Variants in KRTAP4-6 observed in about 807,000 individuals in gnomAD.
The protein encoded by KRTAP4-6 is keratin associated protein 4-6.
In KRTAP4-6, 1 loss-of-function variant was observed where a neutral mutation model predicts 3.6. That is an observed-to-expected ratio of 0.28 (90% CI 0.10 to 1.32). The LOEUF is 1.32. Among genes scored for constraint, KRTAP4-6 ranks in the 40% most tolerant of loss-of-function variants. KRTAP4-6 has a pLI of 0.45. For synonymous variants in KRTAP4-6, 97 were observed against 96.7 expected (o/e 1.00, Z -0.02); for missense variants, 275 against 280.3 (o/e 0.98, Z 0.14).
rs146035703 is a variant in KRTAP4-6, at chr17:41,139,940, G to A, written c.548C>T (p.Thr183Ile). The A allele has an allele frequency of 6.7e-4, 1,082 of 1,607,404 alleles. 8 individuals are homozygous for A. The African/African-American group carries it at 0.012, about 18-fold the overall frequency. The change falls in exon 1 of 1, where the codon ACT (threonine) becomes ATT (isoleucine). Residue 183 changes from threonine (T) to isoleucine (I), a missense_variant. Physicochemically the swap from Thr to Ile is moderately conservative, Grantham distance 89. Coordinates refer to ENST00000345847, the Ensembl canonical transcript of KRTAP4-6. ...AATGACACAGGTTGGGCGATAGCAA[G>A]TGGTGTGGCAGGAGACTCGGCCACA...
rs576784610 is a variant in KRTAP4-6, at chr17:41,140,172, G to T, written c.316C>A (p.Arg106Ser). Residue 106 changes from arginine to serine, a missense_variant, in exon 1 of 1, where the codon CGT (arginine) becomes AGT (serine). Arg to Ser is a moderately radical substitution (Grantham distance 110). Transcript: ENST00000345847. ...CAGCTGGAGATGCTGCAGCTGGGAC[G>T]GCAGCAAGTGGGCTGGCAGCACACA... 4.0e-5 allele frequency: 59 copies of T among 1,483,670 alleles called. No homozygotes were observed. The African/African-American group carries it at 8.0e-4, about 20-fold the overall frequency. 91.9% of individuals were successfully genotyped at this position (1,483,670 alleles called of 1,614,324 possible). A position where few individuals can be genotyped will look rare whatever the true frequency, so the allele number is the denominator to read the frequency against.
At chr17:41,139,553 A>T (rs4890158) in exon 1 of KRTAP4-6, 270,111 of 418,756 alleles carry the variant, frequency 0.65, 90,289 homozygotes, top group African/African-American at 0.9. Context: ...GAGTGAGACA[A>T]CCTTGCCCCG....
At chr17:41,140,453 T>C in exon 1 of KRTAP4-6, 2 of 1,613,758 alleles carry the variant, frequency 1.2e-6, no homozygotes, top group South Asian at 2.2e-5. Flanking sequence ...ACAGCCCTGG[T>C]CAGAGCAGAC....
upstream of KRTAP4-6, chr17:41,140,502 A>T (rs2014683936): frequency 6.2e-7 from 1 of 1,603,162 alleles, no homozygotes; most frequent in Non-Finnish European, 8.5e-7. Context: ...TCAGAGGGTA[A>T]AGGTTCTGGG....
chr17:41,140,417 C>A, exon 1 of KRTAP4-6: 1 of 1,613,904 alleles, frequency 6.2e-7, no homozygotes. Flanking sequence ...CTGACAGCAG[C>A]TGGGGCGGCA....
chr17:41,140,285 C>A (rs1334195700), exon 1 of KRTAP4-6: 2 of 1,566,634 alleles, frequency 1.3e-6, no homozygotes. Context: ...CTGACAGCAG[C>A]TGGGACAGCA....
chr17:41,140,386 G>A lies in KRTAP4-6; in HGVS notation c.102C>T (p.Thr34=), dbSNP rs536874625. 2.1e-5 allele frequency: 34 copies of A among 1,613,788 alleles called. 2 individuals are homozygous for A. Among genetic ancestry groups the A allele is most frequent in the Middle Eastern group, 3.3e-4 (2 of 6,054 alleles). Residue 34 remains threonine, a synonymous_variant, in exon 1 of 1, where the codon ACC becomes ACT. Coordinates refer to ENST00000345847, the Ensembl canonical transcript of KRTAP4-6. The stretch of plus-strand genomic sequence containing the variant: ...ACACACAGCAGCTGGGGCGGCAGCA[G>A]GTGGTCCTGCAGCAGGTGGTCTGAC...
exon 1 of KRTAP4-6, chr17:41,140,156 A>T: frequency 6.9e-7 from 1 of 1,456,634 alleles, no homozygotes; most frequent in Non-Finnish European, 9.3e-7. Context: ...GCAGCTGGAG[A>T]TGCTGCAGCT....
exon 1 of KRTAP4-6, chr17:41,139,536 A>C (rs1476586499): frequency 1.0e-5 from 4 of 384,932 alleles, no homozygotes; most frequent in Non-Finnish European, 1.9e-5. Context: ...CAGACTTTCA[A>C]ATCTGAGAGT....
chr17:41,139,768 C>G (rs1033767012), exon 1 of KRTAP4-6: 21 of 1,464,214 alleles, frequency 1.4e-5, no homozygotes, highest in East Asian at 5.0e-5. Flanking sequence ...TATGGAAACA[C>G]AGTTGGTGGG....
chr17:41,139,785 C>G, exon 1 of KRTAP4-6: 1 of 1,499,374 alleles, frequency 6.7e-7, no homozygotes, highest in South Asian at 1.3e-5. Context: ...TGGGAATGGC[C>G]TCTTCTGAGT....
chr17:41,139,758 T>G, exon 1 of KRTAP4-6: 1 of 1,408,540 alleles, frequency 7.1e-7, no homozygotes, highest in African/African-American at 1.4e-5. Flanking sequence ...ATGTCCAGGA[T>G]ATGGAAACAC....
exon 1 of KRTAP4-6, chr17:41,139,494 T>C: frequency 3.8e-6 from 1 of 263,004 alleles, no homozygotes; most frequent in Non-Finnish European, 7.2e-6. Flanking sequence ...TACAGAAACA[T>C]TGCTGTAAAA....
Position 41,140,303 on chromosome 17 carries a change from C to A in KRTAP4-6, c.185G>T (p.Arg62Leu), listed in dbSNP as rs763253803. Residue 62 changes from arginine (R) to leucine (L), a missense_variant, in exon 1 of 1, where the codon CGT (arginine) becomes CTT (leucine). Coordinates refer to ENST00000345847, the Ensembl canonical transcript of KRTAP4-6. Reference sequence around the variant, plus strand: ...ACAGCAGCTGGGACAGCAGCTGGGACGGCAGCAGGTGGGCTGGCAGCACAC... The same window carrying A: ...ACAGCAGCTGGGACAGCAGCTGGGAAGGCAGCAGGTGGGCTGGCAGCACAC... 4 of 1,603,042 alleles carry A rather than the reference C, an allele frequency of 2.5e-6. No homozygotes were observed. In the South Asian group the frequency reaches 4.4e-5, roughly 18 times the overall value.
rs763378174 is a variant in KRTAP4-6, at chr17:41,140,041, G to C, written c.447C>G (p.Cys149Trp). ...TGGATTCACAGCAAGAGGGGCGGCA[G>C]CAGCTGGAGATGCAGCAGCTGGGAC... Residue 149 changes from cysteine to tryptophan, a missense_variant, in exon 1 of 1, where the codon TGC becomes TGG. Coordinates refer to ENST00000345847, the Ensembl canonical transcript of KRTAP4-6. 3.7e-6 allele frequency: 6 copies of C among 1,612,920 alleles called. No homozygotes were observed. The Middle Eastern group carries it at 5.0e-4, about 136-fold the overall frequency.
At chr17:41,139,805 G>T in exon 1 of KRTAP4-6, 1 of 1,521,510 alleles carries the variant, frequency 6.6e-7, no homozygotes, top group South Asian at 1.3e-5. Context: ...TTGTTTATGA[G>T]ATGCACAAGG....
chr17:41,139,587 G>A (rs1346653320), exon 1 of KRTAP4-6: 1 of 523,390 alleles, frequency 1.9e-6, no homozygotes, highest in Admixed American at 3.7e-5. Context: ...GAATTTCCAT[G>A]TTTGGGACAG....
At position 41,139,865 on chromosome 17, in the gene KRTAP4-6, G is replaced by A. The variant is rs764739752; in HGVS notation, c.*5C>T. Reference sequence around the variant, plus strand: ...AAGGGGAGGAGATAGTTTCAGGCAAGGAGCTCAGCAGCAAGAGGAGGCACA... The same window carrying A: ...AAGGGGAGGAGATAGTTTCAGGCAAAGAGCTCAGCAGCAAGAGGAGGCACA... On this transcript the variant is annotated 3_prime_UTR_variant, in exon 1 of 1. Coordinates refer to ENST00000345847, the Ensembl canonical transcript of KRTAP4-6. 5 of 1,571,676 alleles carry A rather than the reference G, an allele frequency of 3.2e-6. No individual in the cohort carries two copies. The African/African-American group carries it at 5.4e-5, about 17-fold the overall frequency.
At chr17:41,139,959 G>C (rs756879537) in exon 1 of KRTAP4-6, 13 of 1,608,220 alleles carry the variant, frequency 8.1e-6, no homozygotes, top group Middle Eastern at 3.3e-4. Context: ...CAGGAGACTC[G>C]GCCACAGACT....
Sources: gnomAD v4.1 joint callset for allele counts on GRCh38, gnomAD v4.1.1 for gene constraint, MANE v1.5 for transcripts, NCBI Gene and HGNC (gene_info 2026-07-23, HGNC 2026-07-21) for gene names.